Variants in SLC17A9 observed in about 807,000 individuals in gnomAD.
SLC17A9 encodes solute carrier family 17 member 9, also known as voltage-gated purine nucleotide uniporter SLC17A9.
In SLC17A9, 49 loss-of-function variants were observed where a neutral mutation model predicts 55.0. The observed-to-expected ratio is 0.89, with a 90% confidence interval of 0.71 to 1.13. The LOEUF (loss-of-function observed/expected upper bound fraction) is 1.13. SLC17A9 is among the 50% of genes most tolerant of loss of function. SLC17A9 has a pLI of 0.00. For missense variants in SLC17A9, 526 were observed against 569.3 expected (o/e 0.92, Z 0.77); for synonymous variants, 256 against 247.4 (o/e 1.03, Z -0.32).
chr20:62,962,885 A>G lies in SLC17A9; in HGVS notation c.628+131A>G. ...GCTTTGACCTCCCAAAGAATCCGCC[A>G]GTGAGGAAAAGCGCTCGGGTGCTGA... On this transcript the variant is annotated intron_variant, in intron 5 of 12. Transcript: ENST00000370351. The surrounding 1 kb of genome is among the most constrained non-coding windows in gnomAD (Gnocchi z 5.5). The G allele has an allele frequency of 1.5e-6, 2 of 1,331,368 alleles. No homozygotes were observed. The allele number at this position is 1,331,368 out of a possible 1,614,324, so 82.5% of individuals were successfully genotyped here.
chr20:62,962,953 A>G lies in SLC17A9; in HGVS notation c.628+199A>G. 1 of 772,498 alleles carries G rather than the reference A, an allele frequency of 1.3e-6. No homozygotes were observed. The highest frequency in any genetic ancestry group is 2.0e-6 in the Non-Finnish European group (1 of 495,650). The allele number at this position is 772,498 out of a possible 1,614,324, so 47.9% of individuals were successfully genotyped here. ...CACCCAATTCGATCTGGAAGGTTCC[A>G]TCTAGGGCTAAGGCAGACACCCAGG... On this transcript the variant is annotated intron_variant, in intron 5 of 12. Transcript: ENST00000370351. This position sits in a 1 kb window ranked among gnomAD's most constrained non-coding sequence, Gnocchi z 5.5.
At chr20:62,961,767 G>A (rs1471068440) in intron 4 of SLC17A9, among the ~76,000 whole-genome samples, 1 of 152,206 alleles carries the variant, frequency 6.6e-6, no homozygotes, top group African/African-American at 2.4e-5. Flanking sequence ...TCACTTCTCC[G>A]AAACCCGGTT....
In SLC17A9 at chr20:62,956,982, A is replaced by G. The variant is rs767185692; in HGVS notation, c.257+20A>G. On this transcript the variant is annotated intron_variant, in intron 2 of 12. Transcript: ENST00000370351. ...GGATCGGTAACTGCCCATCTTCCCC[A>G]TCTCCTGGCTGGTGGGGGCCGCCCC... is the stretch of plus-strand genomic sequence containing the variant. The G allele has an allele frequency of 5.0e-6, 8 of 1,612,804 alleles. No homozygotes were observed. The African/African-American group carries it at 9.3e-5, about 19-fold the overall frequency.
chr20:62,963,490 C>T, intron 6 of SLC17A9, 94 bp from the exon 7 acceptor site: 1 of 1,509,058 alleles, frequency 6.6e-7, no homozygotes, highest in Non-Finnish European at 9.0e-7. Flanking sequence ...AGAAGTGGGA[C>T]TCTGGCCCCC....
At chr20:62,966,049 T>C (rs2147661365) in intron 10 of SLC17A9, among the ~76,000 whole-genome samples, 1 of 147,410 alleles carries the variant, frequency 6.8e-6, no homozygotes, top group Admixed American at 6.7e-5. Flanking sequence ...AGGGCTGCAG[T>C]GCTCTGGCCA....
At position 62,967,546 on chromosome 20, in the gene SLC17A9, C is replaced by T. The variant is rs769927762; in HGVS notation, c.*46C>T. ...CCAAGGACCCAGGCGCCAGCAGCCC[C>T]AGGACACAGGGGACTCAGTGTGTGG... On this transcript the variant is annotated 3_prime_UTR_variant, in exon 13 of 13. Transcript: ENST00000370351. 11 of 1,592,310 alleles carry T rather than the reference C, an allele frequency of 6.9e-6. No homozygotes were observed. Among genetic ancestry groups the T allele is most frequent in the South Asian group, 2.3e-5 (2 of 88,822 alleles).
intron 1 of SLC17A9, among the ~76,000 whole-genome samples, chr20:62,955,402 T>TC (rs1382794818): frequency 2.0e-5 from 3 of 152,190 alleles, no homozygotes; most frequent in Admixed American, 6.5e-5. Flanking sequence ...CGCCTCAGCC[T>TC]CCCCAAGTGC....
rs563492402 is a variant in SLC17A9, at chr20:62,965,796, G to C, written c.1061+71G>C. The C allele has an allele frequency of 8.7e-5, 123 of 1,417,380 alleles. No homozygotes were observed. The East Asian group carries it at 1.3e-3, about 15-fold the overall frequency. 87.8% of individuals were successfully genotyped at this position (1,417,380 alleles called of 1,614,324 possible). ...CGGCCGAGGCCCGCACATGTGAAGA[G>C]GGAGCTCTGTCCGCCTCTCTCAGTC... On this transcript the variant is annotated intron_variant, in intron 10 of 12. Coordinates refer to ENST00000370351, the MANE Select transcript of SLC17A9 (RefSeq NM_022082.4).
chr20:62,953,018 G>T (rs1056358791), intron 1 of SLC17A9, 129 bp downstream of exon 1: 3 of 1,241,460 alleles, frequency 2.4e-6, no homozygotes, highest in Non-Finnish European at 2.2e-6. Flanking sequence ...CTCTGGCTGT[G>T]GGGCCCCCTG....
In SLC17A9 at chr20:62,964,284, C is replaced by T. The variant is rs2248900; in HGVS notation, c.879C>T (p.Ser293=). The T allele has an allele frequency of 0.22, 355,634 of 1,613,844 alleles. 40,860 individuals carry two copies. The highest frequency in any genetic ancestry group is 0.24 in the Admixed American group (14,341 of 60,014). ...WLVAIPASLF[S]GFLSDHLINQ... ...TGGCGATTCCGGCCAGTCTATTCAG[C>T]GGGTTTCTCTCTGATCATCTCATCA... The change falls in exon 8 of 13, where the codon AGC becomes AGT. Residue 293 remains serine, a synonymous_variant. Transcript: ENST00000370351.
At chr20:62,966,650 C>T (rs2065642637) in intron 11 of SLC17A9, 53 bp from the exon 12 acceptor site, 19 of 1,613,778 alleles carry the variant, frequency 1.2e-5, no homozygotes, top group African/African-American at 8.0e-5. Flanking sequence ...TGGGGGATCC[C>T]GGAGGGCTTT....
At position 62,952,730 on chromosome 20, in the gene SLC17A9, GAC is replaced by G; in HGVS notation, c.-98_-97del. The G allele has an allele frequency of 1.6e-6, 2 of 1,249,332 alleles. No individual in the cohort carries two copies. Among genetic ancestry groups the G allele is most frequent in the Non-Finnish European group, 2.2e-6 (2 of 925,094 alleles). 77.4% of individuals were successfully genotyped at this position (1,249,332 alleles called of 1,614,324 possible). ...AACCAGACGGAAGCGCGCTGGGACT[GAC>G]ACGTGGACTTGGGCGGTGCTGCCCG... On this transcript the variant is annotated 5_prime_UTR_variant, in exon 1 of 13. Coordinates refer to ENST00000370351, the MANE Select transcript of SLC17A9 (RefSeq NM_022082.4).
In SLC17A9 at chr20:62,967,938, C is replaced by A. The variant is rs1268193616; in HGVS notation, c.*438C>A. The stretch of plus-strand genomic sequence containing the variant: ...GGCACCAGGCTGCAGCCTCCCCAAT[C>A]CCAGCCCACTTTGCTGTGTCTCTGG... On this transcript the variant is annotated 3_prime_UTR_variant, in exon 13 of 13. Transcript: ENST00000370351. The A allele has an allele frequency of 6.0e-5, 10 of 165,500 alleles. 2 individuals are homozygous for A. The South Asian group carries it at 1.6e-3, about 26-fold the overall frequency. 10.3% of individuals were successfully genotyped at this position (165,500 alleles called of 1,614,324 possible). A position where few individuals can be genotyped will look rare whatever the true frequency, so the allele number is the denominator to read the frequency against.
Position 62,967,545 on chromosome 20 carries a change from C to T in SLC17A9, c.*45C>T. The T allele has an allele frequency of 1.3e-6, 2 of 1,595,436 alleles. No individual in the cohort carries two copies. Among genetic ancestry groups the T allele is most frequent in the Non-Finnish European group, 1.7e-6 (2 of 1,169,854 alleles). ...TCCAAGGACCCAGGCGCCAGCAGCC[C>T]CAGGACACAGGGGACTCAGTGTGTG... On this transcript the variant is annotated 3_prime_UTR_variant, in exon 13 of 13. Transcript: ENST00000370351.
At chr20:62,954,643 G>A (rs1325463154) in intron 1 of SLC17A9, among the ~76,000 whole-genome samples, 1 of 152,218 alleles carries the variant, frequency 6.6e-6, no homozygotes, top group African/African-American at 2.4e-5. Context: ...GTAGCCGACT[G>A]TCTGGGCCAT....
At position 62,968,166 on chromosome 20, in the gene SLC17A9, C is replaced by G. The variant is rs2065656912; in HGVS notation, c.*666C>G. 1 of 152,356 alleles carries G rather than the reference C, an allele frequency of 6.6e-6. No individual in the cohort carries two copies. Among genetic ancestry groups the G allele is most frequent in the Non-Finnish European group, 1.5e-5 (1 of 68,166 alleles). The allele number at this position is 152,356 out of a possible 1,614,324, so 9.4% of individuals were successfully genotyped here. The stretch of plus-strand genomic sequence containing the variant: ...TCTCCTAGAAGCCTGACAGAGACCC[C>G]CAGGGCAGTGGGTGGGTGGCGGGCT... On this transcript the variant is annotated 3_prime_UTR_variant, in exon 13 of 13. Transcript: ENST00000370351.
chr20:62,961,384 T>C (rs2065587167), intron 4 of SLC17A9, among the ~76,000 whole-genome samples: 1 of 152,050 alleles, frequency 6.6e-6, no homozygotes, highest in Admixed American at 6.5e-5. Flanking sequence ...GGGCGGCTTG[T>C]CCTCATCCAC....
chr20:62,952,971 A>G (rs2065503756), intron 1 of SLC17A9, 82 bp downstream of exon 1: 3 of 1,386,020 alleles, frequency 2.2e-6, no homozygotes, highest in African/African-American at 2.9e-5. Flanking sequence ...GCCACGTGGG[A>G]CGATGCTAGG....
intron 1 of SLC17A9, among the ~76,000 whole-genome samples, chr20:62,955,482 G>T (rs904264981): frequency 5.3e-5 from 8 of 150,516 alleles, no homozygotes; most frequent in South Asian, 2.1e-4. Flanking sequence ...GTTTTGTTTT[G>T]TTTTTTTTTG....
Sources: allele counts gnomAD v4.1 joint callset (sites outside exome capture counted in the v4.1 genomes callset), GRCh38; gene constraint gnomAD v4.1.1; non-coding constraint Gnocchi (gnomAD v3.1); transcripts MANE v1.5; gene names NCBI Gene and HGNC (gene_info 2026-07-23, HGNC 2026-07-21).